The following CREBBP variants were observed in gnomAD, a reference collection of about 807,000 sequenced individuals.
CREBBP encodes CREB-binding protein.
In CREBBP, 19 loss-of-function variants were observed where a neutral mutation model predicts 265.0. The observed-to-expected ratio is 0.07, with a 90% CI of 0.05 to 0.11. The LOEUF (loss-of-function observed/expected upper bound fraction) is 0.11. Among genes scored for constraint, CREBBP ranks in the 10% least tolerant of loss-of-function variants. CREBBP has a pLI of 1.00. For synonymous variants in CREBBP, 1,457 were observed against 1,223.7 expected, an observed-to-expected ratio of 1.19 and a Z score of -3.98; for missense variants, 2,525 against 3,219.0, an observed-to-expected ratio of 0.78 and a Z score of 5.22.
chr16:3,831,975 C>T (rs1394609332), intron 2 of CREBBP, among the ~76,000 whole-genome samples: 2 of 150,356 alleles, frequency 1.3e-5, no homozygotes, highest in Non-Finnish European at 3.0e-5. Context: ...CCAGCCTGGG[C>T]AACGGAGTGA....
chr16:3,788,676 C>T (rs1048790622), intron 5 of CREBBP, among the ~76,000 whole-genome samples: 1 of 152,206 alleles, frequency 6.6e-6, no homozygotes, highest in Non-Finnish European at 1.5e-5. Context: ...TGAGGCCAGG[C>T]GCGGTGGCTC....
Position 3,729,675 on chromosome 16 carries a change from G to A in CREBBP, c.5372C>T (p.Ser1791Leu), listed in dbSNP as rs1214172132. 7 of 1,613,464 alleles carry A rather than the reference G, an allele frequency of 4.3e-6. No homozygotes were observed. The highest frequency in any genetic ancestry group is 2.2e-5 in the East Asian group (1 of 44,880). Residue 1791 changes from serine (S) to leucine (L), a missense_variant, in exon 31 of 31, where the codon TCG becomes TTG. Coordinates refer to ENST00000262367, the MANE Select transcript of CREBBP (RefSeq NM_004380.3). ...CTTCATCTTCTGGCAGGATGGCAGC[G>A]AGCAGTTGGCGTTGCGGCACTGGCA... is the stretch of plus-strand genomic sequence containing the variant. ...HACQCRNANC[S>L]LPSCQKMKRV...
chr16:3,794,830 T>C (rs565794344), intron 3 of CREBBP, among the ~76,000 whole-genome samples: 2 of 152,334 alleles, frequency 1.3e-5, no homozygotes, highest in East Asian at 3.9e-4. Flanking sequence ...TGTGCAACAG[T>C]ATCATCCACA....
At chr16:3,781,143 T>C in intron 7 of CREBBP, 61 bp downstream of exon 7, 1 of 1,441,552 alleles carries the variant, frequency 6.9e-7, no homozygotes, top group South Asian at 1.2e-5. Flanking sequence ...GAATCAGTTT[T>C]GTGTGGTTCT....
intron 23 of CREBBP, 38 bp downstream of exon 23, chr16:3,744,856 T>C: frequency 6.8e-7 from 1 of 1,480,196 alleles, no homozygotes; most frequent in Non-Finnish European, 9.5e-7. Context: ...GTTTCTAAAA[T>C]GTGCAGTCCA....
At chr16:3,768,091 G>A (rs1011960027) in intron 15 of CREBBP, among the ~76,000 whole-genome samples, 182 bp from the exon 16 acceptor site, 1 of 142,340 alleles carries the variant, frequency 7.0e-6, no homozygotes, top group Non-Finnish European at 1.5e-5. Flanking sequence ...TCATTAAGTC[G>A]CTTCAGCACA....
chr16:3,731,144 G>C lies in CREBBP; in HGVS notation c.5172+48C>G, dbSNP rs754380226. On this transcript the variant is annotated intron_variant, in intron 30 of 30. Coordinates refer to ENST00000262367, the MANE Select transcript of CREBBP (RefSeq NM_004380.3). This position sits in a 1 kb window ranked among gnomAD's most constrained non-coding sequence, Gnocchi z 7.7. ...CCCATGCAAAGGGACAGGATGCTTC[G>C]TCAGACCCCAGGCCGGCTGTGGGGG... 1 of 1,589,094 alleles carries C rather than the reference G, an allele frequency of 6.3e-7. No homozygotes were observed.
chr16:3,836,580 T>C (rs1432273652), intron 2 of CREBBP, among the ~76,000 whole-genome samples: 2 of 152,076 alleles, frequency 1.3e-5, no homozygotes, highest in Non-Finnish European at 2.9e-5. Flanking sequence ...GTGGGTTACA[T>C]GGGTAAAGGG....
intron 2 of CREBBP, among the ~76,000 whole-genome samples, chr16:3,839,037 ATT>A (rs2054512876): frequency 6.6e-6 from 1 of 152,214 alleles, no homozygotes; most frequent in Non-Finnish European, 1.5e-5. Context: ...ACACCATCTC[ATT>A]TAATTGGCAT....
chr16:3,800,401 G>A (rs926796052), intron 3 of CREBBP, among the ~76,000 whole-genome samples: 2 of 152,182 alleles, frequency 1.3e-5, no homozygotes, highest in Admixed American at 1.3e-4. Flanking sequence ...TTATAGCTAT[G>A]AGCCATTGCA....
At chr16:3,757,430 C>G in intron 18 of CREBBP, 54 bp from the exon 19 acceptor site, 1 of 1,377,206 alleles carries the variant, frequency 7.3e-7, no homozygotes, top group Non-Finnish European at 1.0e-6. Context: ...CATTTACTGT[C>G]TTATAATGTT....
At chr16:3,814,830 CCAGGCTACATG>C (rs1223782281) in intron 2 of CREBBP, among the ~76,000 whole-genome samples, 2 of 152,110 alleles carry the variant, frequency 1.3e-5, no homozygotes, top group Non-Finnish European at 2.9e-5. Context: ...AAAACAAAAC[CCAGGCTACATG>C]CAGGAGGTTA....
intron 5 of CREBBP, among the ~76,000 whole-genome samples, chr16:3,787,517 C>G (rs1009053210): frequency 6.6e-6 from 1 of 152,096 alleles, no homozygotes; most frequent in East Asian, 1.9e-4. Context: ...CTCTGAAGGG[C>G]CCTCAAGTGA....
At chr16:3,740,628 C>T (rs2151341827) in intron 23 of CREBBP, 79 bp from the exon 24 acceptor site, 2 of 1,492,508 alleles carry the variant, frequency 1.3e-6, no homozygotes, top group Non-Finnish European at 1.9e-6. Context: ...GAATCCACCC[C>T]ACTTTGCAGC....
chr16:3,773,448 A>T (rs2053062204), intron 13 of CREBBP, among the ~76,000 whole-genome samples: 1 of 152,216 alleles, frequency 6.6e-6, no homozygotes, highest in African/African-American at 2.4e-5. Flanking sequence ...TTAGAATTTA[A>T]AATACACAAA....
intron 16 of CREBBP, chr16:3,767,223 C>G (rs2052876706): frequency 5.8e-6 from 1 of 173,214 alleles, no homozygotes; most frequent in African/African-American, 2.4e-5. Context: ...ACACAGGGTC[C>G]CTAGGCGCCA....
At chr16:3,806,208 T>G (rs1177628623) in intron 3 of CREBBP, among the ~76,000 whole-genome samples, 1 of 152,130 alleles carries the variant, frequency 6.6e-6, no homozygotes, top group Non-Finnish European at 1.5e-5. Context: ...TGTGATATTC[T>G]GGCAGGACAC....
At chr16:3,815,323 T>G (rs964194215) in intron 2 of CREBBP, among the ~76,000 whole-genome samples, 1 of 152,020 alleles carries the variant, frequency 6.6e-6, no homozygotes, top group African/African-American at 2.4e-5. Context: ...GCGGATCACT[T>G]AAGGTCAGCA....
chr16:3,843,743 C>G (rs1434381907), intron 2 of CREBBP, among the ~76,000 whole-genome samples: 2 of 152,066 alleles, frequency 1.3e-5, no homozygotes, highest in Non-Finnish European at 1.5e-5. Flanking sequence ...TCTTCAGTCA[C>G]TTCCTAGGGA....
Sources: gnomAD v4.1 joint callset for allele counts (sites outside exome capture counted in the v4.1 genomes callset) on GRCh38, gnomAD v4.1.1 for gene constraint, Gnocchi (gnomAD v3.1) non-coding constraint, MANE v1.5 for transcripts, NCBI Gene and HGNC (gene_info 2026-07-23, HGNC 2026-07-21) for gene names.